TRIO: variants seen among roughly 807,000 people sequenced by gnomAD.
TRIO encodes trio Rho guanine nucleotide exchange factor, also known as triple functional domain protein.
Under a neutral mutation model 351.9 loss-of-function variants are expected in TRIO, and 58 were observed. That is an observed-to-expected ratio of 0.16 (90% CI 0.13 to 0.21). The LOEUF (loss-of-function observed/expected upper bound fraction) is 0.21, where lower values mean the gene tolerates loss of function less well. Ranked by LOEUF, TRIO falls within the 10% of genes least tolerant of loss-of-function variation. The pLI is 1.00. For missense variants in TRIO, 3,201 were observed against 4,027.8 expected (o/e 0.79, Z 5.56); for synonymous variants, 1,758 against 1,595.7 (o/e 1.10, Z -2.42).
intron 1 of TRIO, among the ~76,000 whole-genome samples, chr5:14,218,914 C>A (rs576503059): frequency 6.6e-6 from 1 of 152,216 alleles, no homozygotes; most frequent in Non-Finnish European, 1.5e-5. Flanking sequence ...CTGGCAGTGC[C>A]GGCAGCAACC....
At chr5:14,288,078 C>T (rs1736594537) in intron 4 of TRIO, among the ~76,000 whole-genome samples, 1 of 152,142 alleles carries the variant, frequency 6.6e-6, no homozygotes, top group African/African-American at 2.4e-5. Context: ...TACTACACTC[C>T]ATCAGAAAGA....
At chr5:14,187,792 G>A (rs1581308489) in intron 1 of TRIO, among the ~76,000 whole-genome samples, 1 of 139,950 alleles carries the variant, frequency 7.1e-6, no homozygotes, top group Non-Finnish European at 1.5e-5. Context: ...CATTATTAAA[G>A]TAATGTATTT....
intron 1 of TRIO, among the ~76,000 whole-genome samples, chr5:14,151,908 A>C (rs1438544917): frequency 6.6e-6 from 1 of 152,198 alleles, no homozygotes; most frequent in Non-Finnish European, 1.5e-5. Context: ...GGCCTGCAGG[A>C]ATAGCATTAA....
chr5:14,273,875 A>G (rs1009187726), intron 2 of TRIO, among the ~76,000 whole-genome samples: 1 of 152,256 alleles, frequency 6.6e-6, no homozygotes, highest in African/African-American at 2.4e-5. Context: ...ATTATGGAAC[A>G]TTTTAACATC....
At chr5:14,172,435 A>G (rs1034368835) in intron 1 of TRIO, among the ~76,000 whole-genome samples, 3 of 152,194 alleles carry the variant, frequency 2.0e-5, no homozygotes, top group Non-Finnish European at 4.4e-5. Context: ...CTGTCTTCTG[A>G]GTGACAGTCA....
At chr5:14,332,673 C>G (rs553485574) in intron 10 of TRIO, among the ~76,000 whole-genome samples, 1 of 152,296 alleles carries the variant, frequency 6.6e-6, no homozygotes, top group East Asian at 1.9e-4. Flanking sequence ...TTCTCATCTG[C>G]TAATTTTTCC....
chr5:14,301,788 G>C (rs914885735), intron 7 of TRIO, among the ~76,000 whole-genome samples: 1 of 152,170 alleles, frequency 6.6e-6, no homozygotes, highest in African/African-American at 2.4e-5. Context: ...GGATTGCTGT[G>C]CTGGTGCTGT....
At chr5:14,377,960 T>G in intron 19 of TRIO, 52 bp from the exon 20 acceptor site, 1 of 1,385,766 alleles carries the variant, frequency 7.2e-7, no homozygotes, top group East Asian at 2.4e-5. Context: ...ATTTCGCGGT[T>G]GTTTTAATTG....
At chr5:14,372,253 TGAGAGAGAGA>T (rs71599622) in intron 18 of TRIO, among the ~76,000 whole-genome samples, 4 of 115,260 alleles carry the variant, frequency 3.5e-5, no homozygotes, top group South Asian at 3.2e-4. Context: ...GGCGGGGGTG[TGAGAGAGAGA>T]GAGAGAGAGA....
intron 34 of TRIO, among the ~76,000 whole-genome samples, chr5:14,451,622 A>T (rs920204762): frequency 2.6e-5 from 4 of 152,254 alleles, no homozygotes; most frequent in Non-Finnish European, 5.9e-5. Flanking sequence ...TAGGCCAGTT[A>T]TACCTGATTA....
chr5:14,213,115 C>T (rs1792009809), intron 1 of TRIO, among the ~76,000 whole-genome samples: 1 of 152,150 alleles, frequency 6.6e-6, no homozygotes, highest in African/African-American at 2.4e-5. Flanking sequence ...ACCTTGCAAA[C>T]ACTGAGGTTG....
chr5:14,405,742 C>T (rs1259619419), intron 31 of TRIO, 106 bp from the exon 32 acceptor site: 4 of 1,392,724 alleles, frequency 2.9e-6, no homozygotes, highest in East Asian at 4.7e-5. Context: ...GCTAAAAAGT[C>T]ATTTTGAAAA....
At chr5:14,451,295 G>A (rs747043107) in intron 34 of TRIO, among the ~76,000 whole-genome samples, 1 of 152,054 alleles carries the variant, frequency 6.6e-6, no homozygotes, top group African/African-American at 2.4e-5. Context: ...TGATCTGTAA[G>A]AGAATTTCTA....
chr5:14,292,863 G>A lies in TRIO; in HGVS notation c.1054-149G>A, dbSNP rs902687552. The A allele has an allele frequency of 7.2e-6, 8 of 1,112,280 alleles. No individual in the cohort carries two copies. In the African/African-American group the frequency reaches 7.8e-5, roughly 11 times the overall value. 68.9% of individuals were successfully genotyped at this position (1,112,280 alleles called of 1,614,324 possible). On this transcript the variant is annotated intron_variant, in intron 5 of 56. Transcript: ENST00000344204. Reference sequence around the variant, plus strand: ...GTTCAGAACTGCTGACTTGTTCTTCGAAGTAAAGACTCTTCTGAGAGAATC... The same window carrying A: ...GTTCAGAACTGCTGACTTGTTCTTCAAAGTAAAGACTCTTCTGAGAGAATC...
At chr5:14,432,986 A>G (rs953033764) in intron 34 of TRIO, among the ~76,000 whole-genome samples, 1 of 152,238 alleles carries the variant, frequency 6.6e-6, no homozygotes, top group Non-Finnish European at 1.5e-5. Flanking sequence ...AGAGTTAGCT[A>G]CATGGCTCTT....
chr5:14,179,162 G>A lies in TRIO; in HGVS notation c.157+35280G>A, dbSNP rs187424161. 2.4e-4 allele frequency among the ~76,000 whole-genome samples: 37 copies of A among 152,192 alleles called. 2 individuals are homozygous for A. The highest frequency in any genetic ancestry group is 7.9e-4 in the African/African-American group (33 of 41,518). The stretch of plus-strand genomic sequence containing the variant: ...CTCCCGGCCAGCACGTCGGTGTCCC[G>A]TCCTGCCACCCACCCCGCTTTGGCC... On this transcript the variant is annotated intron_variant, in intron 1 of 56. Transcript: ENST00000344204.
chr5:14,483,853 C>T (rs778519412), intron 46 of TRIO, among the ~76,000 whole-genome samples: 2 of 152,110 alleles, frequency 1.3e-5, no homozygotes, highest in Non-Finnish European at 2.9e-5. Context: ...TTGAGCCTCC[C>T]ATCCCCTGAA....
At chr5:14,248,052 C>T (rs538432383) in intron 1 of TRIO, among the ~76,000 whole-genome samples, 8 of 135,190 alleles carry the variant, frequency 5.9e-5, no homozygotes, top group East Asian at 2.3e-4. Context: ...GGCAACAGAG[C>T]GAGACTCCGT....
At chr5:14,256,639 G>A (rs1795037092) in intron 1 of TRIO, among the ~76,000 whole-genome samples, 1 of 152,202 alleles carries the variant, frequency 6.6e-6, no homozygotes, top group Non-Finnish European at 1.5e-5. Flanking sequence ...GTAGCTGAAA[G>A]AATTAGAAGG....
Sources: allele counts gnomAD v4.1 joint callset (sites outside exome capture counted in the v4.1 genomes callset), GRCh38; gene constraint gnomAD v4.1.1; transcripts MANE v1.5; gene names NCBI Gene and HGNC (gene_info 2026-07-23, HGNC 2026-07-21).